Variants in NOMO1 observed in about 807,000 individuals in gnomAD.
NOMO1 encodes the protein NODAL modulator 1, also known as nodal modulator 3.
A neutral mutation model predicts 133.8 loss-of-function variants in NOMO1; 40 were observed. The observed-to-expected ratio is 0.30, with a 90% CI of 0.23 to 0.39. The LOEUF is 0.39. Ranked by LOEUF, NOMO1 falls within the 10% of genes least tolerant of loss-of-function variation. The pLI, the probability that NOMO1 is intolerant of heterozygous loss-of-function variation, is 1.00. For synonymous variants in NOMO1, 236 were observed against 570.5 expected (o/e 0.41, Z 8.36); for missense variants, 462 against 1,419.9 (o/e 0.33, Z 10.84).
intron 16 of NOMO1, among the ~76,000 whole-genome samples, chr16:14,868,880 G>T (rs1210735533): frequency 6.6e-6 from 1 of 150,910 alleles, no homozygotes; most frequent in Non-Finnish European, 1.5e-5. Context: ...TTTAAAATTT[G>T]AATCATTTCC....
intron 1 of NOMO1, among the ~76,000 whole-genome samples, chr16:14,836,793 C>T (rs1274886169): frequency 5.3e-5 from 8 of 150,616 alleles, no homozygotes; most frequent in African/African-American, 1.7e-4. Flanking sequence ...GCAAGCTCCG[C>T]TTCCCGGGTT....
At position 14,850,311 on chromosome 16, in the gene NOMO1, G is replaced by A. The variant is rs182747065; in HGVS notation, c.582+1340G>A. Among the ~76,000 whole-genome samples, 9 of 152,032 alleles carry A rather than the reference G, an allele frequency of 5.9e-5. 1 individual carries two copies. Among genetic ancestry groups the A allele is most frequent in the African/African-American group, 2.2e-4 (9 of 41,344 alleles). ...AATTATGAAGACATGTATGGGAATA[G>A]CAGACGCTGTTCAAAATGATACTGA... On this transcript the variant is annotated intron_variant, in intron 6 of 30. Coordinates refer to ENST00000287667, the MANE Select transcript of NOMO1 (RefSeq NM_014287.4).
chr16:14,892,571 C>A, intron 29 of NOMO1, among the ~76,000 whole-genome samples: 1 of 147,596 alleles, frequency 6.8e-6, no homozygotes, highest in African/African-American at 2.5e-5. Context: ...AACTAACCTG[C>A]ACATTGTGCA....
At chr16:14,874,528 C>T (rs573556306) in intron 18 of NOMO1, among the ~76,000 whole-genome samples, 4 of 151,946 alleles carry the variant, frequency 2.6e-5, no homozygotes, top group African/African-American at 9.7e-5. Context: ...TAAAACAGTG[C>T]TCCGGGCTCT....
At chr16:14,853,084 T>A (rs1963783830) in intron 7 of NOMO1, 1 of 209,494 alleles carries the variant, frequency 4.8e-6, no homozygotes, top group Non-Finnish European at 8.9e-6. Context: ...GGCAGTGGTA[T>A]GTGATGGAAA....
chr16:14,841,932 G>C (rs1433348202), intron 3 of NOMO1, among the ~76,000 whole-genome samples: 2 of 151,790 alleles, frequency 1.3e-5, no homozygotes, highest in Admixed American at 1.3e-4. Context: ...TGTCGAGCAA[G>C]GGTAGTTATA....
chr16:14,866,763 C>G, intron 15 of NOMO1, 72 bp downstream of exon 15: 3 of 1,609,156 alleles, frequency 1.9e-6, no homozygotes, highest in Non-Finnish European at 2.5e-6. Context: ...GACTAACATC[C>G]CAGGAATATT....
Position 14,884,447 on chromosome 16 carries a change from G to C in NOMO1, c.3187G>C (p.Val1063Leu). 1.2e-6 allele frequency: 2 copies of C among 1,611,534 alleles called. No individual in the cohort carries two copies. The highest frequency in any genetic ancestry group is 1.7e-6 in the Non-Finnish European group (2 of 1,179,748). Reference protein sequence around the residue: ...QINQFDLSGNVITSSEYLPTL... With the variant: ...QINQFDLSGNLITSSEYLPTL... ...TAATCAATTTGATTTAAGTGGAAAT[G>C]TGATCACTTCCTCTGAATACCTTCC... Residue 1063 changes from valine (V) to leucine (L), a missense_variant, in exon 27 of 31, where the codon GTG (valine) becomes CTG (leucine). By Grantham distance (32) the Val-to-Leu change is conservative. Transcript: ENST00000287667.
At chr16:14,846,831 G>A in intron 5 of NOMO1, 148 bp downstream of exon 5, 2 of 1,254,970 alleles carry the variant, frequency 1.6e-6, no homozygotes, top group Non-Finnish European at 2.3e-6. Flanking sequence ...TCAGAGTGCT[G>A]AGTTCCCCAC....
chr16:14,882,566 G>T (rs1187059054), intron 25 of NOMO1, 28 bp from the exon 26 acceptor site: 4 of 1,611,478 alleles, frequency 2.5e-6, no homozygotes, highest in African/African-American at 2.7e-5. Flanking sequence ...CCCCTTTCTA[G>T]AGAGCTGACT....
intron 3 of NOMO1, among the ~76,000 whole-genome samples, chr16:14,844,308 C>T (rs1213761474): frequency 1.3e-5 from 2 of 151,968 alleles, no homozygotes; most frequent in Non-Finnish European, 2.9e-5. Context: ...ATTAAAGGCA[C>T]TCAGCTCAGT....
intron 15 of NOMO1, among the ~76,000 whole-genome samples, chr16:14,867,065 G>T (rs548402418): frequency 8.0e-4 from 105 of 130,870 alleles, no homozygotes; most frequent in Middle Eastern, 4.5e-3. Flanking sequence ...ACTTCTCAGG[G>T]TTATGGCAGG....
At position 14,853,471 on chromosome 16, in the gene NOMO1, T is replaced by C. The variant is rs1393670510; in HGVS notation, c.740T>C (p.Val247Ala). The C allele has an allele frequency of 6.3e-7, 1 of 1,576,166 alleles. No individual in the cohort carries two copies. The highest frequency in any genetic ancestry group is 2.3e-5 in the East Asian group (1 of 43,726). The change falls in exon 8 of 31, where the codon GTC becomes GCC. Residue 247 changes from valine (V) to alanine (A), a missense_variant. Val to Ala is a moderately conservative substitution (Grantham distance 64). Transcript: ENST00000287667. ...CTTTTTTACCCCCTGGCATAGGATG[T>C]CCTGGGCTGCAATGTCTCACCAGTG... is the stretch of plus-strand genomic sequence containing the variant. ...LFSSLVTKED[V>A]LGCNVSPVPG...
rs1425249575 is a variant in NOMO1 at position 14,881,459 on chromosome 16, C to G, written c.2886-85C>G. ...CAGTTATCCCCTGAACTATTTTGCCCCATAATTGTTGGTAAACGGGAAACA... is the reference window on the plus strand; with the variant it reads ...CAGTTATCCCCTGAACTATTTTGCCGCATAATTGTTGGTAAACGGGAAACA... On this transcript the variant is annotated intron_variant, in intron 24 of 30. Transcript: ENST00000287667. The G allele has an allele frequency of 2.5e-6, 4 of 1,609,870 alleles. No individual in the cohort carries two copies. The East Asian group carries it at 8.9e-5, about 36-fold the overall frequency.
intron 2 of NOMO1, 138 bp downstream of exon 2, chr16:14,838,634 A>C: frequency 1.3e-6 from 1 of 778,768 alleles, no homozygotes; most frequent in South Asian, 1.8e-5. Context: ...AATCCTAGCC[A>C]CATTTGGAGG....
At chr16:14,892,609 TAAAAAAA>T (rs757049459) in intron 29 of NOMO1, among the ~76,000 whole-genome samples, 1 of 105,820 alleles carries the variant, frequency 9.5e-6, no homozygotes, top group South Asian at 3.0e-4. Context: ...AAAGTATAAT[TAAAAAAA>T]AAAAAAAAAA....
rs149363741 is a variant in NOMO1, at chr16:14,882,697, C to T, written c.3111+20C>T. 1.3e-3 allele frequency: 2,031 copies of T among 1,611,522 alleles called. 10 individuals carry two copies. The highest frequency in any genetic ancestry group is 1.6e-3 in the Non-Finnish European group (1,851 of 1,179,658). ...ATTGAGGTAAGGCATTCAGTGCTGC[C>T]GCTGCACCTGGGTGTGGGTGCCTCC... On this transcript the variant is annotated intron_variant, in intron 26 of 30. Transcript: ENST00000287667.
At chr16:14,878,436 G>A (rs1222338851) in intron 22 of NOMO1, among the ~76,000 whole-genome samples, 1 of 114,374 alleles carries the variant, frequency 8.7e-6, no homozygotes, top group Non-Finnish European at 1.7e-5. Flanking sequence ...GAAGGTTGTA[G>A]TGAGCCCAGG....
At chr16:14,859,746 AAAGAC>A (rs1325251642) in intron 11 of NOMO1, among the ~76,000 whole-genome samples, 3 of 152,156 alleles carry the variant, frequency 2.0e-5, no homozygotes, top group African/African-American at 4.8e-5. Context: ...GATTTTAAAA[AAAGAC>A]AAGACAAATA....
Sources: allele counts gnomAD v4.1 joint callset (sites outside exome capture counted in the v4.1 genomes callset), GRCh38; gene constraint gnomAD v4.1.1; transcripts MANE v1.5; gene names NCBI Gene and HGNC (gene_info 2026-07-23, HGNC 2026-07-21).